Variants in TRPC6 observed in about 807,000 individuals in gnomAD.
TRPC6 encodes short transient receptor potential channel 6.
TRPC6 carries 55 observed loss-of-function variants against 90.7 expected under a neutral mutation model. The ratio of observed to expected loss-of-function variants is 0.61; its 90% confidence interval spans 0.49 to 0.76. The LOEUF (loss-of-function observed/expected upper bound fraction) is 0.76, where lower values mean the gene tolerates loss of function less well. TRPC6 is among the 30% of genes least tolerant of loss of function. The pLI is 0.00. For synonymous variants in TRPC6, 393 were observed against 393.0 expected (o/e 1.00, Z 0.00); for missense variants, 989 against 1,122.7 (o/e 0.88, Z 1.70).
At chr11:101,557,885 A>C (rs1012432129) in intron 1 of TRPC6, among the ~76,000 whole-genome samples, 1 of 152,180 alleles carries the variant, frequency 6.6e-6, no homozygotes, top group Non-Finnish European at 1.5e-5. Flanking sequence ...ATAAATGGAA[A>C]GATATTCCAT....
intron 2 of TRPC6, among the ~76,000 whole-genome samples, chr11:101,498,261 G>A (rs377618719): frequency 1.3e-5 from 2 of 152,090 alleles, no homozygotes; most frequent in Non-Finnish European, 2.9e-5. Context: ...AGATGGCTGA[G>A]GTCTCATGCT....
At chr11:101,471,846 A>C (rs889803713) in intron 8 of TRPC6, among the ~76,000 whole-genome samples, 11 of 152,220 alleles carry the variant, frequency 7.2e-5, no homozygotes, top group African/African-American at 2.7e-4. Flanking sequence ...AATTTTTTGA[A>C]TAAAATATAA....
At chr11:101,528,181 C>A (rs1860825894) in intron 1 of TRPC6, among the ~76,000 whole-genome samples, 1 of 152,052 alleles carries the variant, frequency 6.6e-6, no homozygotes, top group Non-Finnish European at 1.5e-5. Context: ...TTTACATATT[C>A]TTTACTATCT....
chr11:101,533,960 G>A (rs931279881), intron 1 of TRPC6, among the ~76,000 whole-genome samples: 11 of 152,120 alleles, frequency 7.2e-5, no homozygotes, highest in African/African-American at 1.7e-4. Context: ...CTATTAATAC[G>A]TTCCTTGATG....
chr11:101,530,474 C>T (rs1860886444), intron 1 of TRPC6, among the ~76,000 whole-genome samples: 1 of 152,062 alleles, frequency 6.6e-6, no homozygotes, highest in Non-Finnish European at 1.5e-5. Context: ...GGGCTGTAGA[C>T]CCTGAAGCAG....
intron 1 of TRPC6, among the ~76,000 whole-genome samples, chr11:101,575,939 C>T (rs1397336982): frequency 1.3e-5 from 2 of 152,118 alleles, no homozygotes; most frequent in Non-Finnish European, 2.9e-5. Context: ...GGTGAGTGCG[C>T]TTTTGAAGAG....
chr11:101,460,276 C>A (rs1182493376), intron 10 of TRPC6, among the ~76,000 whole-genome samples: 1 of 152,136 alleles, frequency 6.6e-6, no homozygotes. Context: ...TCTGAGCACA[C>A]CAAAATCCAC....
chr11:101,514,543 C>G (rs769487010), intron 1 of TRPC6, among the ~76,000 whole-genome samples: 1 of 152,150 alleles, frequency 6.6e-6, no homozygotes, highest in Non-Finnish European at 1.5e-5. Flanking sequence ...ATGGCTGGAA[C>G]ACATAAGAGT....
chr11:101,572,811 G>T (rs189908475), intron 1 of TRPC6, among the ~76,000 whole-genome samples: 185 of 152,210 alleles, frequency 1.2e-3, no homozygotes, highest in African/African-American at 4.2e-3. Context: ...TTAATAAGGA[G>T]AACATATGGA....
At chr11:101,557,630 A>AC (rs1555012426) in intron 1 of TRPC6, among the ~76,000 whole-genome samples, 69,602 of 151,040 alleles carry the variant, frequency 0.46, 16,159 homozygotes, top group Middle Eastern at 0.53. Flanking sequence ...ACACACACAC[A>AC]AAAAAAAACC....
At position 101,506,118 on chromosome 11, in the gene TRPC6, C is replaced by G. The variant is rs965950795; in HGVS notation, c.171-1320G>C. Among the ~76,000 whole-genome samples the G allele has an allele frequency of 1.3e-5, 2 of 151,692 alleles. 1 individual carries two copies. The highest frequency in any genetic ancestry group is 2.9e-5 in the Non-Finnish European group (2 of 67,968). ...AATTCATAACTTCGTGTCTTAAGGT[C>G]TTTTGAGCTTCAAGGGATCTCATTA... On this transcript the variant is annotated intron_variant, in intron 1 of 12. Transcript: ENST00000344327.
At chr11:101,546,021 A>T (rs113059971) in intron 1 of TRPC6, among the ~76,000 whole-genome samples, 3 of 143,190 alleles carry the variant, frequency 2.1e-5, no homozygotes, top group African/African-American at 8.1e-5. Context: ...AAATAAAAAA[A>T]TAATGGATCT....
intron 9 of TRPC6, 49 bp from the exon 10 acceptor site, chr11:101,469,550 C>G (rs760504487): frequency 1.4e-6 from 1 of 702,922 alleles, no homozygotes; most frequent in African/African-American, 1.8e-5. Flanking sequence ...ACCAATTTCA[C>G]TCTTCATTCT....
chr11:101,529,743 C>A (rs918314782), intron 1 of TRPC6, among the ~76,000 whole-genome samples: 13 of 152,096 alleles, frequency 8.5e-5, no homozygotes, highest in African/African-American at 3.1e-4. Context: ...GCTCATATAC[C>A]CACACAGCAA....
intron 1 of TRPC6, among the ~76,000 whole-genome samples, chr11:101,531,777 A>AT (rs1175312528): frequency 3.3e-5 from 5 of 152,110 alleles, no homozygotes; most frequent in African/African-American, 1.2e-4. Flanking sequence ...TATATATTAC[A>AT]TTTTTTTGTA....
chr11:101,554,082 C>A (rs374145570), intron 1 of TRPC6, among the ~76,000 whole-genome samples: 1 of 152,116 alleles, frequency 6.6e-6, no homozygotes, highest in East Asian at 1.9e-4. Flanking sequence ...ATTCACTGGC[C>A]GGTGACTTTT....
intron 1 of TRPC6, among the ~76,000 whole-genome samples, chr11:101,556,490 C>T (rs1305456428): frequency 6.6e-6 from 1 of 152,008 alleles, no homozygotes; most frequent in Non-Finnish European, 1.5e-5. Flanking sequence ...ATAGAACCCG[C>T]CAAGACTGAA....
In TRPC6 at chr11:101,452,723, A is replaced by ATTTTCC; in HGVS notation, c.*231_*232insGGAAAA. 1.9e-6 allele frequency: 1 copy of ATTTTCC among 526,268 alleles called. No homozygotes were observed. Among genetic ancestry groups the ATTTTCC allele is most frequent in the East Asian group, 3.3e-5 (1 of 30,182 alleles). 32.6% of individuals were successfully genotyped at this position (526,268 alleles called of 1,614,324 possible). On this transcript the variant is annotated 3_prime_UTR_variant, in exon 13 of 13. Transcript: ENST00000344327. ...ATCCAAGAAAGCAGTTTATAAAACA[A>ATTTTCC]GCACCAAACAACTGGGCATAATTTT...
At chr11:101,570,605 T>C (rs1057371941) in intron 1 of TRPC6, among the ~76,000 whole-genome samples, 2 of 152,190 alleles carry the variant, frequency 1.3e-5, no homozygotes, top group Non-Finnish European at 2.9e-5. Context: ...CTGATGAACA[T>C]TGATCCGAAA....
Sources: allele counts gnomAD v4.1 joint callset (sites outside exome capture counted in the v4.1 genomes callset), GRCh38; gene constraint gnomAD v4.1.1; transcripts MANE v1.5; gene names NCBI Gene and HGNC (gene_info 2026-07-23, HGNC 2026-07-21).